The following TTLL5 variants were observed in gnomAD, a reference collection of about 807,000 sequenced individuals.
TTLL5 encodes tubulin tyrosine ligase like 5, also known as tubulin polyglutamylase TTLL5.
In TTLL5, 132 loss-of-function variants were observed where a neutral mutation model predicts 168.4. The observed-to-expected ratio is 0.78, with a 90% CI of 0.68 to 0.91. The LOEUF (loss-of-function observed/expected upper bound fraction) is 0.91, where lower values mean the gene tolerates loss of function less well. Among genes scored for constraint, TTLL5 ranks in the 40% least tolerant of loss-of-function variants. TTLL5 has a pLI of 0.00. For missense variants in TTLL5, 1,545 were observed against 1,581.5 expected, an observed-to-expected ratio of 0.98 and a Z score of 0.39; for synonymous variants, 546 against 558.6, an observed-to-expected ratio of 0.98 and a Z score of 0.32.
intron 6 of TTLL5, among the ~76,000 whole-genome samples, chr14:75,695,382 A>G (rs572744556): frequency 2.6e-5 from 4 of 152,328 alleles, no homozygotes; most frequent in South Asian, 2.1e-4. Context: ...CCAGTGGGAC[A>G]TGAAACTTCA....
chr14:75,681,677 C>T, intron 4 of TTLL5, 50 bp downstream of exon 4: 1 of 1,527,746 alleles, frequency 6.5e-7, no homozygotes, highest in East Asian at 2.3e-5. Flanking sequence ...GCTGAAAATC[C>T]CAGCCACCTA....
intron 16 of TTLL5, 32 bp from the exon 17 acceptor site, chr14:75,745,458 T>G: frequency 1.9e-6 from 3 of 1,608,220 alleles, no homozygotes; most frequent in Non-Finnish European, 2.6e-6. Context: ...GTTTTCAAAA[T>G]AGGTACTCAT....
At chr14:75,903,897 A>AT (rs755158925) in intron 31 of TTLL5, among the ~76,000 whole-genome samples, 25 of 147,452 alleles carry the variant, frequency 1.7e-4, no homozygotes, top group East Asian at 9.8e-4. Context: ...CCTACCTCTA[A>AT]TTTAAAAAAA....
intron 3 of TTLL5, among the ~76,000 whole-genome samples, chr14:75,677,390 C>CT (rs11349214): frequency 0.028 from 2,174 of 78,038 alleles, 69 homozygotes; most frequent in African/African-American, 0.041. Context: ...CTCTCTCTCT[C>CT]TTTTTTTTTT....
At chr14:75,923,637 G>T (rs1474308159) in intron 31 of TTLL5, among the ~76,000 whole-genome samples, 1 of 152,138 alleles carries the variant, frequency 6.6e-6, no homozygotes, top group Non-Finnish European at 1.5e-5. Flanking sequence ...CAATTATGTG[G>T]TCAATTTTAG....
Position 75,775,604 on chromosome 14 carries a change from G to A in TTLL5, c.2257G>A (p.Gly753Ser). The change falls in exon 22 of 32, where the codon GGT becomes AGT. Residue 753 changes from glycine (G) to serine (S), a missense_variant. Physicochemically the swap from Gly to Ser is moderately conservative, Grantham distance 56. Transcript: ENST00000298832. ...CAGAAGAATCCTGGCCCACCAGCTG[G>A]GTGACTTTATCATTGTATACAACAA... The part of the protein sequence containing the change: ...ERRRILAHQL[G>S]DFIIVYNKET... The A allele has an allele frequency of 6.2e-7, 1 of 1,613,974 alleles. No homozygotes were observed. The highest frequency in any genetic ancestry group is 1.3e-5 in the African/African-American group (1 of 74,990).
chr14:75,784,330 T>C (rs996450813), intron 26 of TTLL5, among the ~76,000 whole-genome samples: 17 of 152,340 alleles, frequency 1.1e-4, no homozygotes, highest in African/African-American at 4.1e-4. Flanking sequence ...CTGGACATTG[T>C]ATATAAGTAA....
At chr14:75,868,815 T>C (rs749111673) in intron 29 of TTLL5, among the ~76,000 whole-genome samples, 2 of 152,056 alleles carry the variant, frequency 1.3e-5, no homozygotes, top group Non-Finnish European at 2.9e-5. Flanking sequence ...TGTGTTTGTG[T>C]TGTGGAGGAG....
chr14:75,725,768 T>G (rs1888153763), intron 12 of TTLL5, among the ~76,000 whole-genome samples: 1 of 152,210 alleles, frequency 6.6e-6, no homozygotes, highest in Non-Finnish European at 1.5e-5. Flanking sequence ...AAAAGGACAC[T>G]CCTTTTGCTC....
chr14:75,702,462 T>G (rs942645973), intron 7 of TTLL5, among the ~76,000 whole-genome samples: 1 of 152,226 alleles, frequency 6.6e-6, no homozygotes, highest in African/African-American at 2.4e-5. Flanking sequence ...TGCTTTTTAT[T>G]TTCTTAGATA....
intron 1 of TTLL5, among the ~76,000 whole-genome samples, chr14:75,662,403 C>T (rs1236363606): frequency 6.6e-6 from 1 of 151,548 alleles, no homozygotes; most frequent in Admixed American, 6.6e-5. Context: ...TGGCTCACCG[C>T]AACCTCCGCC....
chr14:75,901,877 A>G (rs1566652672), intron 30 of TTLL5, among the ~76,000 whole-genome samples: 1 of 152,250 alleles, frequency 6.6e-6, no homozygotes, highest in South Asian at 2.1e-4. Flanking sequence ...AGACACAGCA[A>G]TGATGAAGGC....
intron 27 of TTLL5, among the ~76,000 whole-genome samples, chr14:75,805,666 G>T (rs1239784817): frequency 6.6e-6 from 1 of 152,082 alleles, no homozygotes; most frequent in Non-Finnish European, 1.5e-5. Flanking sequence ...CAAAATACTT[G>T]ATGTATTTTG....
At chr14:75,869,439 CT>C (rs746144364) in intron 29 of TTLL5, among the ~76,000 whole-genome samples, 19 of 152,096 alleles carry the variant, frequency 1.2e-4, no homozygotes, top group Admixed American at 3.9e-4. Flanking sequence ...CCTCATTTTC[CT>C]TATCTCTAAT....
rs1168111978 is a variant in TTLL5 at position 75,863,858 on chromosome 14, A to G, written c.3518A>G (p.His1173Arg). 2 of 1,535,980 alleles carry G rather than the reference A, an allele frequency of 1.3e-6. No homozygotes were observed. Among genetic ancestry groups the G allele is most frequent in the African/African-American group, 1.4e-5 (1 of 70,580 alleles). ...RQLLDQSRAR[H>R]QAIFGSQTLP... ...CTCCTGGACCAGAGTCGAGCCCGGCACCAGGTAATTCAAGATAAGTCTTTT... is the reference window on the plus strand; with the variant it reads ...CTCCTGGACCAGAGTCGAGCCCGGCGCCAGGTAATTCAAGATAAGTCTTTT... The change falls in exon 29 of 32, where the codon CAC (histidine) becomes CGC (arginine). Residue 1173 changes from histidine to arginine, a missense_variant. Transcript: ENST00000298832.
chr14:75,759,363 A>G (rs781696389), intron 18 of TTLL5, among the ~76,000 whole-genome samples: 71 of 152,160 alleles, frequency 4.7e-4, no homozygotes, highest in Admixed American at 4.2e-3. Flanking sequence ...AAAGCCCTGT[A>G]TCTGTTGAGA....
intron 29 of TTLL5, among the ~76,000 whole-genome samples, chr14:75,876,011 A>G (rs746263464): frequency 6.6e-6 from 1 of 152,204 alleles, no homozygotes; most frequent in Non-Finnish European, 1.5e-5. Context: ...ATTGAAGGAG[A>G]TATGAAAGAA....
intron 7 of TTLL5, among the ~76,000 whole-genome samples, chr14:75,705,209 A>G (rs1246727970): frequency 6.6e-6 from 1 of 152,232 alleles, no homozygotes; most frequent in African/African-American, 2.4e-5. Flanking sequence ...TAATGATGTC[A>G]TTGTGTTCCT....
chr14:75,734,013 TA>T lies in TTLL5; in HGVS notation c.1152del (p.Ala385ProfsTer3). ...ACDAPLDLKIKASMISDMFTV... is the reference protein window; with the variant it reads ...ACDAPLDLKIXASMISDMFTV... ...GTGATGCGCCTCTGGACCTAAAGATTAAAGCCAGTATGATTTCAGATATGTT... is the reference window on the plus strand; with the variant it reads ...GTGATGCGCCTCTGGACCTAAAGATTAAGCCAGTATGATTTCAGATATGTT... On this transcript the variant is annotated frameshift_variant, in exon 14 of 32. Transcript: ENST00000298832. LOFTEE classifies it high-confidence loss of function. The T allele has an allele frequency of 3.1e-6, 5 of 1,614,064 alleles. No individual in the cohort carries two copies. Among genetic ancestry groups the T allele is most frequent in the Non-Finnish European group, 4.2e-6 (5 of 1,179,954 alleles).
Sources: allele counts gnomAD v4.1 joint callset (sites outside exome capture counted in the v4.1 genomes callset), GRCh38; gene constraint gnomAD v4.1.1; transcripts MANE v1.5; gene names NCBI Gene and HGNC (gene_info 2026-07-23, HGNC 2026-07-21).